Variants in CNTN3 observed in about 807,000 individuals in gnomAD.
CNTN3 encodes the protein contactin-3.
In CNTN3, 60 loss-of-function variants were observed where a neutral mutation model predicts 119.1. That is an observed-to-expected ratio of 0.50 (90% CI 0.41 to 0.62). The LOEUF (loss-of-function observed/expected upper bound fraction) is 0.62. Ranked by LOEUF, CNTN3 falls within the 20% of genes least tolerant of loss-of-function variation. The pLI, the probability that CNTN3 is intolerant of heterozygous loss-of-function variation, is 0.00. For synonymous variants in CNTN3, 450 were observed against 438.7 expected, an observed-to-expected ratio of 1.03 and a Z score of -0.32; for missense variants, 1,101 against 1,242.4, an observed-to-expected ratio of 0.89 and a Z score of 1.71.
At chr3:74,493,721 T>A (rs556839620) in intron 3 of CNTN3, among the ~76,000 whole-genome samples, 1 of 152,296 alleles carries the variant, frequency 6.6e-6, no homozygotes, top group East Asian at 1.9e-4. Context: ...TTTGTTAATA[T>A]GTTTACTGAA....
At chr3:74,613,016 G>A (rs934333766) in intron 1 of CNTN3, among the ~76,000 whole-genome samples, 21 of 152,170 alleles carry the variant, frequency 1.4e-4, no homozygotes, top group Admixed American at 1.1e-3. Context: ...AAGATGCCAG[G>A]TTACTGCAGC....
rs973814900 is a variant in CNTN3 at position 74,356,350 on chromosome 3, G to T, written c.1364+5540C>A. On this transcript the variant is annotated intron_variant, in intron 11 of 22. Coordinates refer to ENST00000263665, the MANE Select transcript of CNTN3 (RefSeq NM_020872.3). ...GACTGGCCTCTGTACCTTTGCACGT[G>T]CTATTCTTTCTTCCTGGAATACTCT... is the stretch of plus-strand genomic sequence containing the variant. 2.6e-5 allele frequency among the ~76,000 whole-genome samples: 4 copies of T among 152,036 alleles called. 1 individual carries two copies. Among genetic ancestry groups the T allele is most frequent in the African/African-American group, 9.7e-5 (4 of 41,340 alleles).
intron 4 of CNTN3, among the ~76,000 whole-genome samples, chr3:74,456,565 A>C (rs1397256713): frequency 6.6e-6 from 1 of 152,080 alleles, no homozygotes; most frequent in African/African-American, 2.4e-5. Context: ...ACACAAAAAG[A>C]TCATCTGTTC....
intron 5 of CNTN3, among the ~76,000 whole-genome samples, chr3:74,424,498 AAG>A (rs1701664917): frequency 1.2e-5 from 1 of 85,840 alleles, no homozygotes; most frequent in African/African-American, 3.9e-5. Context: ...GAGAGAGAGA[AAG>A]AGAGGCAGAC....
chr3:74,303,962 G>A (rs1016763966), intron 13 of CNTN3, among the ~76,000 whole-genome samples: 14 of 152,146 alleles, frequency 9.2e-5, no homozygotes, highest in Non-Finnish European at 1.8e-4. Flanking sequence ...AACTGGTAAA[G>A]AGAAAGAAGC....
chr3:74,424,186 A>G (rs1701658299), intron 5 of CNTN3, among the ~76,000 whole-genome samples: 1 of 152,118 alleles, frequency 6.6e-6, no homozygotes, highest in South Asian at 2.1e-4. Context: ...TAGGAAAATC[A>G]AACCAGCACC....
intron 2 of CNTN3, among the ~76,000 whole-genome samples, chr3:74,516,338 CCTT>C (rs1295899282): frequency 6.7e-5 from 10 of 150,250 alleles, no homozygotes; most frequent in Admixed American, 4.6e-4. Flanking sequence ...GAGCAACCCC[CCTT>C]CTTCTTCTTC....
At chr3:74,387,884 A>C (rs1704793837) in intron 5 of CNTN3, among the ~76,000 whole-genome samples, 1 of 152,246 alleles carries the variant, frequency 6.6e-6, no homozygotes, top group South Asian at 2.1e-4. Context: ...GACGACATAC[A>C]ACAAGGTAGG....
intron 5 of CNTN3, among the ~76,000 whole-genome samples, chr3:74,414,636 T>G (rs1701490210): frequency 6.6e-6 from 1 of 152,144 alleles, no homozygotes; most frequent in African/African-American, 2.4e-5. Flanking sequence ...AATGAGCCAC[T>G]AGAGTTTACA....
chr3:74,322,169 C>CAAAAAAAAAAAAAAAA (rs35201394), intron 13 of CNTN3, among the ~76,000 whole-genome samples: 2 of 94,178 alleles, frequency 2.1e-5, no homozygotes, highest in African/African-American at 3.8e-5. Context: ...CTGGGTGACT[C>CAAAAAAAAAAAAAAAA]AAAAAAAAAA....
chr3:74,492,200 A>C (rs549990550), intron 3 of CNTN3, among the ~76,000 whole-genome samples: 1 of 152,300 alleles, frequency 6.6e-6, no homozygotes, highest in Admixed American at 6.5e-5. Context: ...GAAATGATTT[A>C]TTACTCATAT....
intron 1 of CNTN3, among the ~76,000 whole-genome samples, chr3:74,544,577 T>G (rs1357959447): frequency 6.6e-6 from 1 of 151,954 alleles, no homozygotes; most frequent in Non-Finnish European, 1.5e-5. Flanking sequence ...ACACGTATCC[T>G]AGATGAAACT....
chr3:74,371,152 A>T lies in CNTN3; in HGVS notation c.658+44T>A, dbSNP rs369176127. The T allele has an allele frequency of 7.8e-6, 11 of 1,413,902 alleles. No homozygotes were observed. In the African/African-American group the frequency reaches 1.6e-4, roughly 20 times the overall value. The allele number at this position is 1,413,902 out of a possible 1,614,324, so 87.6% of individuals were successfully genotyped here. On this transcript the variant is annotated intron_variant, in intron 6 of 22. Transcript: ENST00000263665. ...CCCAATTGCTTTTGTTTGCAGCCTC[A>T]GCACCATTTACGCTCAGAAGTGCAC...
At chr3:74,586,026 G>A (rs946032632) in intron 1 of CNTN3, among the ~76,000 whole-genome samples, 1 of 152,114 alleles carries the variant, frequency 6.6e-6, no homozygotes, top group Non-Finnish European at 1.5e-5. Flanking sequence ...TAAAATTACT[G>A]TCTTGGAATT....
intron 5 of CNTN3, among the ~76,000 whole-genome samples, chr3:74,417,804 A>G (rs915358205): frequency 8.5e-5 from 13 of 152,236 alleles, no homozygotes; most frequent in Non-Finnish European, 1.3e-4. Context: ...TAATGCGACT[A>G]TGAATCTGTT....
In CNTN3 at chr3:74,331,804, T is replaced by G. The variant is rs1308854563; in HGVS notation, c.1668+2931A>C. 4.6e-5 allele frequency among the ~76,000 whole-genome samples: 7 copies of G among 152,172 alleles called. No homozygotes were observed. In the South Asian group the frequency reaches 6.2e-4, roughly 13 times the overall value. ...TTTTAGACACTTAGTTTCATAAAGC[T>G]TTTCTGAATGTATTATTCCAATTGT... On this transcript the variant is annotated intron_variant, in intron 13 of 22. Transcript: ENST00000263665.
chr3:74,338,614 T>C (rs1703457699), intron 11 of CNTN3, among the ~76,000 whole-genome samples: 1 of 152,094 alleles, frequency 6.6e-6, no homozygotes, highest in African/African-American at 2.4e-5. Flanking sequence ...AGTCCATTAC[T>C]CACTTTCATT....
chr3:74,375,414 A>C (rs1018397672), intron 5 of CNTN3, among the ~76,000 whole-genome samples: 1 of 152,156 alleles, frequency 6.6e-6, no homozygotes, highest in African/African-American at 2.4e-5. Context: ...AGGCAGAATA[A>C]ATGTCCCCAG....
At chr3:74,369,825 C>A (rs142853300) in intron 7 of CNTN3, 64 bp downstream of exon 7, 4 of 886,720 alleles carry the variant, frequency 4.5e-6, no homozygotes, top group Non-Finnish European at 7.1e-6. Context: ...CTCTCAAAAA[C>A]CATCCTGATT....
Sources: allele counts gnomAD v4.1 joint callset (sites outside exome capture counted in the v4.1 genomes callset), GRCh38; gene constraint gnomAD v4.1.1; transcripts MANE v1.5; gene names NCBI Gene and HGNC (gene_info 2026-07-23, HGNC 2026-07-21).